Variants in FRYL observed in about 807,000 individuals in gnomAD.
FRYL encodes FRY like transcription coactivator.
A neutral mutation model predicts 351.2 loss-of-function variants in FRYL; 150 were observed. The observed-to-expected ratio is 0.43, with a 90% CI of 0.37 to 0.49. FRYL has a LOEUF of 0.49. FRYL is among the 20% of genes least tolerant of loss of function. The pLI is 0.00. For missense variants in FRYL, 3,036 were observed against 3,619.3 expected, an observed-to-expected ratio of 0.84 and a Z score of 4.13; for synonymous variants, 1,153 against 1,257.1, an observed-to-expected ratio of 0.92 and a Z score of 1.75.
At chr4:48,573,370 C>CT in intron 25 of FRYL, 127 bp from the exon 26 acceptor site, 1 of 609,578 alleles carries the variant, frequency 1.6e-6, no homozygotes, top group Non-Finnish European at 2.8e-6. Context: ...AACACAATGT[C>CT]TATTTTTTTA....
chr4:48,619,166 T>C (rs1327511220), intron 7 of FRYL, 108 bp downstream of exon 7: 8 of 738,860 alleles, frequency 1.1e-5, no homozygotes, highest in East Asian at 5.1e-5. Context: ...AGGAATTTAA[T>C]TTATGTGGGC....
At chr4:48,649,383 T>A (rs1757193821) in intron 3 of FRYL, among the ~76,000 whole-genome samples, 1 of 152,198 alleles carries the variant, frequency 6.6e-6, no homozygotes, top group Non-Finnish European at 1.5e-5. Context: ...TTTAAGAAGG[T>A]CAATCTATTT....
At chr4:48,664,965 G>A (rs1761457164) in intron 3 of FRYL, among the ~76,000 whole-genome samples, 1 of 152,110 alleles carries the variant, frequency 6.6e-6, no homozygotes, top group South Asian at 2.1e-4. Context: ...TATAAATCAA[G>A]TTTCTAATCA....
chr4:48,603,947 A>G (rs146903993), intron 11 of FRYL, among the ~76,000 whole-genome samples: 7 of 152,276 alleles, frequency 4.6e-5, no homozygotes, highest in African/African-American at 1.7e-4. Flanking sequence ...CTCAATTGCT[A>G]CCAACTCTTT....
chr4:48,780,193 C>G lies in FRYL; in HGVS notation c.-499G>C, dbSNP rs113092957. On this transcript the variant is annotated 5_prime_UTR_variant, in exon 1 of 64. Transcript: ENST00000358350. ...CGTCCCCTTTAAGGAATAATCCGATCGGAACCGATCTGTGGTTAAACCTCC... is the reference window on the plus strand; with the variant it reads ...CGTCCCCTTTAAGGAATAATCCGATGGGAACCGATCTGTGGTTAAACCTCC... 1 of 152,744 alleles carries G rather than the reference C, an allele frequency of 6.5e-6. No individual in the cohort carries two copies. The highest frequency in any genetic ancestry group is 1.5e-5 in the Non-Finnish European group (1 of 68,144). 9.5% of individuals were successfully genotyped at this position (152,744 alleles called of 1,614,324 possible). A position where few individuals can be genotyped will look rare whatever the true frequency, so the allele number is the denominator to read the frequency against.
chr4:48,680,017 A>C (rs1030721115), intron 3 of FRYL, among the ~76,000 whole-genome samples: 1 of 152,072 alleles, frequency 6.6e-6, no homozygotes, highest in Non-Finnish European at 1.5e-5. Flanking sequence ...ATGAGACAGG[A>C]AGATGTCTAT....
intron 2 of FRYL, among the ~76,000 whole-genome samples, chr4:48,708,930 T>TTTTTTGC (rs1423256570): frequency 7.3e-6 from 1 of 136,738 alleles, no homozygotes; most frequent in East Asian, 2.1e-4. Flanking sequence ...TTGTTTTTTG[T>TTTTTTGC]TTTTTTTTTT....
At chr4:48,711,844 C>G (rs573245997) in intron 1 of FRYL, among the ~76,000 whole-genome samples, 3 of 152,184 alleles carry the variant, frequency 2.0e-5, no homozygotes, top group African/African-American at 7.2e-5. Flanking sequence ...ACACCTCACA[C>G]GGCCGGGTAC....
intron 1 of FRYL, among the ~76,000 whole-genome samples, chr4:48,770,688 C>T (rs1775424293): frequency 6.6e-6 from 1 of 152,182 alleles, no homozygotes; most frequent in Non-Finnish European, 1.5e-5. Flanking sequence ...CTGCCCGCCT[C>T]AGCCTCCCAA....
chr4:48,699,542 C>A (rs1434469739), intron 2 of FRYL, among the ~76,000 whole-genome samples: 1 of 152,142 alleles, frequency 6.6e-6, no homozygotes, highest in Non-Finnish European at 1.5e-5. Context: ...ATTTTTAAAT[C>A]TTTAATCTAA....
chr4:48,720,123 CTG>C, intron 1 of FRYL, among the ~76,000 whole-genome samples: 1 of 147,828 alleles, frequency 6.8e-6, no homozygotes, highest in African/African-American at 2.5e-5. Context: ...GCACTCCAGC[CTG>C]GTGACAAAGA....
At chr4:48,665,002 G>T (rs575915763) in intron 3 of FRYL, among the ~76,000 whole-genome samples, 5 of 152,206 alleles carry the variant, frequency 3.3e-5, no homozygotes, top group African/African-American at 1.2e-4. Flanking sequence ...TCTAAAAAAG[G>T]TAAGTTTTAT....
Position 48,528,253 on chromosome 4 carries a change from T to C in FRYL, c.6987A>G (p.Arg2329=). ...NGKPKVIAVT[R]STSSTSSGSN... ...AACCAGAAGAAGTTGAGGAAGTACTTCTAGTGACAGCAATAACTTTTGGTT... is the reference window on the plus strand; with the variant it reads ...AACCAGAAGAAGTTGAGGAAGTACTCCTAGTGACAGCAATAACTTTTGGTT... Residue 2329 remains arginine (R), a synonymous_variant, in exon 51 of 64, where the codon AGA becomes AGG. Transcript: ENST00000358350. 1 of 1,613,414 alleles carries C rather than the reference T, an allele frequency of 6.2e-7. No individual in the cohort carries two copies. The highest frequency in any genetic ancestry group is 8.5e-7 in the Non-Finnish European group (1 of 1,179,516).
intron 1 of FRYL, among the ~76,000 whole-genome samples, chr4:48,778,367 A>G (rs1776247814): frequency 6.6e-6 from 1 of 151,968 alleles, no homozygotes; most frequent in Non-Finnish European, 1.5e-5. Flanking sequence ...ATGTTCCAAC[A>G]GAATTCCCTC....
chr4:48,748,590 C>G (rs1332706639), intron 1 of FRYL, among the ~76,000 whole-genome samples: 5 of 152,126 alleles, frequency 3.3e-5, no homozygotes, highest in African/African-American at 1.2e-4. Flanking sequence ...CACCTTTCCC[C>G]AGCTACAGAT....
intron 18 of FRYL, among the ~76,000 whole-genome samples, chr4:48,587,112 T>A (rs967760146): frequency 3.9e-5 from 6 of 151,974 alleles, no homozygotes; most frequent in Admixed American, 3.9e-4. Flanking sequence ...AACTAAATAC[T>A]GGTTATTTTG....
At chr4:48,619,613 A>G (rs1750244221) in intron 6 of FRYL, among the ~76,000 whole-genome samples, 1 of 152,120 alleles carries the variant, frequency 6.6e-6, no homozygotes. Flanking sequence ...TCCTGGGTTC[A>G]TGTGATCCTC....
chr4:48,646,675 A>G (rs572476861), intron 3 of FRYL, among the ~76,000 whole-genome samples: 1 of 152,242 alleles, frequency 6.6e-6, no homozygotes, highest in South Asian at 2.1e-4. Flanking sequence ...GTGATTTGAG[A>G]CTCTGGCACA....
intron 1 of FRYL, among the ~76,000 whole-genome samples, chr4:48,753,189 A>C (rs1008699549): frequency 1.3e-5 from 2 of 152,194 alleles, no homozygotes; most frequent in African/African-American, 2.4e-5. Context: ...GTAGAGAAGG[A>C]TGTGCCTAAA....
Sources: gnomAD v4.1 joint callset for allele counts (sites outside exome capture counted in the v4.1 genomes callset) on GRCh38, gnomAD v4.1.1 for gene constraint, MANE v1.5 for transcripts, NCBI Gene and HGNC (gene_info 2026-07-23, HGNC 2026-07-21) for gene names.